The following DHRSX variants were observed in gnomAD, a reference collection of about 807,000 sequenced individuals.
DHRSX encodes dehydrogenase/reductase X-linked, also known as polyprenol dehydrogenase.
In DHRSX, 31 loss-of-function variants were observed where a neutral mutation model predicts 34.0. The observed-to-expected ratio is 0.91, with a 90% CI of 0.69 to 1.23. The LOEUF (loss-of-function observed/expected upper bound fraction) is 1.23. Ranked by LOEUF, DHRSX falls within the 50% of genes most tolerant of loss-of-function variation. The pLI, the probability that DHRSX is intolerant of heterozygous loss-of-function variation, is 0.00. For missense variants in DHRSX, 414 were observed against 428.1 expected (o/e 0.97, Z 0.29); for synonymous variants, 201 against 183.8 (o/e 1.09, Z -0.76).
intron 1 of DHRSX, among the ~76,000 whole-genome samples, chrX:2,475,912 C>T (rs2044671862): frequency 6.6e-6 from 1 of 152,304 alleles, no homozygotes; most frequent in Middle Eastern, 3.4e-3. Context: ...GCAGTAATTA[C>T]CAAGACATAA....
chrX:2,496,694 G>A (rs1027693071), intron 1 of DHRSX, among the ~76,000 whole-genome samples: 31 of 151,920 alleles, frequency 2.0e-4, no homozygotes, highest in Non-Finnish European at 1.2e-4. Flanking sequence ...GAAAAATAGC[G>A]GGTGATAGAT....
chrX:2,349,421 C>T (rs2124572723), intron 3 of DHRSX, among the ~76,000 whole-genome samples: 1 of 152,154 alleles, frequency 6.6e-6, no homozygotes, highest in African/African-American at 2.4e-5. Flanking sequence ...AGGCGCGGTG[C>T]CTGGAATCCC....
intron 4 of DHRSX, among the ~76,000 whole-genome samples, chrX:2,273,383 G>A (rs191023605): frequency 2.2e-4 from 33 of 152,272 alleles, no homozygotes; most frequent in Admixed American, 6.5e-4. Flanking sequence ...GAGTGGAATC[G>A]TGTCATTGGC....
At chrX:2,468,569 C>T (rs1236623867) in intron 1 of DHRSX, among the ~76,000 whole-genome samples, 14 of 151,686 alleles carry the variant, frequency 9.2e-5, no homozygotes, top group African/African-American at 3.1e-4. Flanking sequence ...GGCCACGGGA[C>T]TACTGCCATG....
rs1181462088 is a variant in DHRSX, at chrX:2,356,725, G to A, written c.286+52020C>T. Among the ~76,000 whole-genome samples the A allele has an allele frequency of 3.3e-5, 5 of 152,280 alleles. No individual in the cohort carries two copies. In the East Asian group the frequency reaches 9.6e-4, roughly 29 times the overall value. ...TCCATGTGAAGATGATGAGGATGAA[G>A]ACCTCGGGGATGATCCCTTTCCATT... is the stretch of plus-strand genomic sequence containing the variant. On this transcript the variant is annotated intron_variant, in intron 3 of 6. Coordinates refer to ENST00000334651, the MANE Select transcript of DHRSX (RefSeq NM_145177.3).
intron 6 of DHRSX, among the ~76,000 whole-genome samples, chrX:2,225,010 ACT>A (rs1277242481): frequency 2.0e-5 from 3 of 150,118 alleles, no homozygotes; most frequent in African/African-American, 2.5e-5. Context: ...ACATGCTCAC[ACT>A]CATTCACATG....
intron 1 of DHRSX, among the ~76,000 whole-genome samples, chrX:2,484,293 C>T (rs936224872): frequency 1.6e-4 from 24 of 152,154 alleles, no homozygotes; most frequent in African/African-American, 4.6e-4. Context: ...TTAGACACAA[C>T]GGCAAAACTA....
intron 4 of DHRSX, among the ~76,000 whole-genome samples, chrX:2,288,156 A>C (rs1947604140): frequency 6.6e-6 from 1 of 152,070 alleles, no homozygotes; most frequent in Non-Finnish European, 1.5e-5. Context: ...GATGAGAGAG[A>C]GAAAGAGAGA....
intron 3 of DHRSX, among the ~76,000 whole-genome samples, chrX:2,356,410 CA>C (rs1396776544): frequency 2.6e-5 from 4 of 152,142 alleles, no homozygotes; most frequent in South Asian, 2.1e-4. Flanking sequence ...AGAATCATGT[CA>C]GGGGTGCAGA....
chrX:2,220,743 G>T lies in DHRSX; in HGVS notation c.*298C>A. 2.4e-6 allele frequency: 1 copy of T among 410,670 alleles called. No individual in the cohort carries two copies. The highest frequency in any genetic ancestry group is 3.8e-5 in the Admixed American group (1 of 26,576). The allele number at this position is 410,670 out of a possible 1,614,324, so 25.4% of individuals were successfully genotyped here. On this transcript the variant is annotated 3_prime_UTR_variant, in exon 7 of 7. Transcript: ENST00000334651. Reference sequence around the variant, plus strand: ...TTTTGTACTCAGTTGTATTAACGCGGCAAGGAAAATGGCACATTTATGTTG... The same window carrying T: ...TTTTGTACTCAGTTGTATTAACGCGTCAAGGAAAATGGCACATTTATGTTG...
At chrX:2,418,139 T>A (rs1460431724) in intron 2 of DHRSX, among the ~76,000 whole-genome samples, 3 of 151,730 alleles carry the variant, frequency 2.0e-5, no homozygotes, top group Non-Finnish European at 4.4e-5. Flanking sequence ...CATCATCAAG[T>A]CTAATCCAAC....
At chrX:2,270,917 G>A (rs866859441) in intron 4 of DHRSX, among the ~76,000 whole-genome samples, 1 of 148,720 alleles carries the variant, frequency 6.7e-6, no homozygotes, top group Non-Finnish European at 1.5e-5. Flanking sequence ...TCAGCACTCT[G>A]TAAAATGGAC....
At chrX:2,499,436 T>C (rs191677125) in intron 1 of DHRSX, among the ~76,000 whole-genome samples, 1 of 152,328 alleles carries the variant, frequency 6.6e-6, no homozygotes, top group Non-Finnish European at 1.5e-5. Flanking sequence ...TTCCCTTTAT[T>C]CCAGTTCACA....
intron 3 of DHRSX, among the ~76,000 whole-genome samples, chrX:2,325,433 C>T (rs1167304575): frequency 2.0e-5 from 3 of 152,106 alleles, no homozygotes; most frequent in Admixed American, 1.3e-4. Flanking sequence ...ATCTTCCCAG[C>T]AGGAACTAGA....
At chrX:2,244,683 TTA>T (rs67687726) in intron 5 of DHRSX, among the ~76,000 whole-genome samples, 99,623 of 149,178 alleles carry the variant, frequency 0.67, 34,347 homozygotes, top group Non-Finnish European at 0.73. Flanking sequence ...CTTGCTTCTT[TTA>T]TATATATATA....
chrX:2,259,331 GATATAT>G (rs890908875), intron 5 of DHRSX, among the ~76,000 whole-genome samples: 1 of 144,512 alleles, frequency 6.9e-6, no homozygotes, highest in Non-Finnish European at 1.5e-5. Flanking sequence ...GATAGATATA[GATATAT>G]ATAGATATAG....
intron 1 of DHRSX, among the ~76,000 whole-genome samples, chrX:2,481,936 C>A (rs1270918644): frequency 6.6e-6 from 1 of 152,034 alleles, no homozygotes; most frequent in Non-Finnish European, 1.5e-5. Flanking sequence ...CTGGGGGACA[C>A]TGATTTTCAC....
chrX:2,366,964 T>C (rs1188929177), intron 3 of DHRSX, among the ~76,000 whole-genome samples: 1 of 152,102 alleles, frequency 6.6e-6, no homozygotes, highest in Non-Finnish European at 1.5e-5. Flanking sequence ...AAGCTGACTC[T>C]GAGACTTTGT....
intron 1 of DHRSX, among the ~76,000 whole-genome samples, chrX:2,493,471 C>T (rs897347049): frequency 6.0e-5 from 9 of 150,624 alleles, no homozygotes; most frequent in African/African-American, 1.5e-4. Context: ...TTATTATTAT[C>T]ATTATTATTA....
Sources: gnomAD v4.1 joint callset for allele counts (sites outside exome capture counted in the v4.1 genomes callset) on GRCh38, gnomAD v4.1.1 for gene constraint, MANE v1.5 for transcripts, NCBI Gene and HGNC (gene_info 2026-07-23, HGNC 2026-07-21) for gene names.